PCDHA8: variants seen among roughly 807,000 people sequenced by gnomAD.
PCDHA8 encodes the protein protocadherin alpha-8.
A neutral mutation model predicts 61.8 loss-of-function variants in PCDHA8; 53 were observed. The ratio of observed to expected loss-of-function variants is 0.86; its 90% CI spans 0.69 to 1.08. The LOEUF is 1.08. Among genes scored for constraint, PCDHA8 ranks in the 50% least tolerant of loss-of-function variants. PCDHA8 has a pLI of 0.00. For missense variants in PCDHA8, 1,293 were observed against 1,245.0 expected (o/e 1.04, Z -0.58); for synonymous variants, 618 against 556.6 (o/e 1.11, Z -1.55).
chr5:140,856,754 G>A (rs536378352), intron 1 of PCDHA8: 8 of 1,596,774 alleles, frequency 5.0e-6, no homozygotes, highest in African/African-American at 1.3e-5. Flanking sequence ...AGATGCCAAT[G>A]ATAACGCCCC....
chr5:140,864,887 G>T (rs2048644726), intron 1 of PCDHA8: 1 of 152,148 alleles, frequency 6.6e-6, no homozygotes, highest in African/African-American at 2.4e-5. Flanking sequence ...TGTTCATTAA[G>T]CTGCATGGTC....
At chr5:140,907,720 C>T (rs1554193113) in intron 1 of PCDHA8, among the ~76,000 whole-genome samples, 1 of 152,208 alleles carries the variant, frequency 6.6e-6, no homozygotes, top group Non-Finnish European at 1.5e-5. Context: ...CATGTGTAAC[C>T]TCCATCCCTG....
Position 140,841,710 on chromosome 5 carries a change from C to A in PCDHA8, c.389C>A (p.Pro130Gln), listed in dbSNP as rs2150321322. 2 of 1,613,738 alleles carry A rather than the reference C, an allele frequency of 1.2e-6. No individual in the cohort carries two copies. The highest frequency in any genetic ancestry group is 2.7e-5 in the African/African-American group (2 of 74,852). ...GAGGTGAAGGATGTTAATGACAACC[C>A]GCCAGTGTTCCGGGTAAAAGACCAA... is the stretch of plus-strand genomic sequence containing the variant. ...DVEVKDVNDN[P>Q]PVFRVKDQKL... is the part of the protein sequence containing the mutation. Residue 130 changes from proline to glutamine, a missense_variant, in exon 1 of 4, where the codon CCG becomes CAG. By Grantham distance (76) the Pro-to-Gln change is moderately conservative. Coordinates refer to ENST00000531613, the MANE Select transcript of PCDHA8 (RefSeq NM_018911.3).
At position 140,841,675 on chromosome 5, in the gene PCDHA8, T is replaced by C. The variant is rs2150320492; in HGVS notation, c.354T>C (p.His118=). The C allele has an allele frequency of 5.0e-6, 8 of 1,613,878 alleles. No homozygotes were observed. The highest frequency in any genetic ancestry group is 2.2e-5 in the East Asian group (1 of 44,882). The stretch of plus-strand genomic sequence containing the variant: ...TGGACAGGCCGCTGCAGGTTTTCCA[T>C]GTGGACGTGGAGGTGAAGGATGTTA... ...VIVDRPLQVF[H]VDVEVKDVND... The change falls in exon 1 of 4, where the codon CAT becomes CAC. Residue 118 remains histidine, a synonymous_variant. Transcript: ENST00000531613.
rs148479176 is a variant in PCDHA8, at chr5:140,884,341, G to A, written c.2394+40626G>A. 6.0e-4 allele frequency: 973 copies of A among 1,613,910 alleles called. 19 individuals carry two copies. In the South Asian group the frequency reaches 7.4e-3, roughly 12 times the overall value. On this transcript the variant is annotated intron_variant, in intron 1 of 3. Transcript: ENST00000531613. ...CGGCAGGCGCTGTGGGTCCAGAAGC[G>A]GCGCTGGTGGATGTCAATGTTTACT...
chr5:140,881,259 C>T (rs1285019236), intron 1 of PCDHA8: 6 of 524,478 alleles, frequency 1.1e-5, no homozygotes, highest in Non-Finnish European at 9.8e-6. Flanking sequence ...AGGTTTTACT[C>T]AGTGATGATG....
At chr5:140,857,418 C>T in intron 1 of PCDHA8, 1 of 1,598,514 alleles carries the variant, frequency 6.3e-7, no homozygotes, top group South Asian at 1.1e-5. Context: ...TTCGCGCAGT[C>T]CGAGTACACG....
chr5:140,862,256 A>C (rs2047276539), intron 1 of PCDHA8: 1 of 223,718 alleles, frequency 4.5e-6, no homozygotes, highest in Non-Finnish European at 8.9e-6. Context: ...TTCCAGAGTT[A>C]GCAGTAAGTC....
chr5:141,003,574 A>C (rs559561339), intron 3 of PCDHA8, among the ~76,000 whole-genome samples: 9 of 151,680 alleles, frequency 5.9e-5, no homozygotes, highest in African/African-American at 2.2e-4. Context: ...CAGACTCCCA[A>C]AGTGCTGGGA....
At chr5:140,863,799 G>A (rs1246230954) in intron 1 of PCDHA8, 10 of 212,460 alleles carry the variant, frequency 4.7e-5, no homozygotes, top group Non-Finnish European at 8.6e-5. Context: ...AGGAGTTTGA[G>A]ACCAGCCTGG....
chr5:140,950,556 A>G (rs2094497175), intron 1 of PCDHA8, among the ~76,000 whole-genome samples: 2 of 152,036 alleles, frequency 1.3e-5, no homozygotes, highest in Non-Finnish European at 2.9e-5. Context: ...CTGGGGGGAC[A>G]CTTATTTTAA....
At chr5:140,938,209 G>C (rs1210350140) in intron 1 of PCDHA8, among the ~76,000 whole-genome samples, 1 of 152,160 alleles carries the variant, frequency 6.6e-6, no homozygotes, top group Admixed American at 6.5e-5. Flanking sequence ...GCCTCCCAAA[G>C]TGCTGGGATT....
intron 1 of PCDHA8, chr5:140,870,974 G>A: frequency 1.2e-6 from 2 of 1,613,628 alleles, no homozygotes; most frequent in Middle Eastern, 1.7e-4. Flanking sequence ...TTCCGCGTGG[G>A]GCTGTACACG....
chr5:140,857,241 C>T, intron 1 of PCDHA8: 1 of 1,598,588 alleles, frequency 6.3e-7, no homozygotes, highest in East Asian at 2.2e-5. Context: ...AAGCTGGTGT[C>T]CACCTACAAG....
At chr5:140,882,131 C>A (rs1236835670) in intron 1 of PCDHA8, 2 of 1,475,734 alleles carry the variant, frequency 1.4e-6, no homozygotes, top group South Asian at 1.4e-5. Context: ...TTTCTTCCTG[C>A]AGAAAATATA....
rs545348313 is a variant in PCDHA8, at chr5:140,968,526, C to T, written c.2395-10423C>T. ...ATTCTGTACCCTACCTCAACCAACTCGTCAGCAGCCTTCGAGATGGTGCCT... is the reference window on the plus strand; with the variant it reads ...ATTCTGTACCCTACCTCAACCAACTTGTCAGCAGCCTTCGAGATGGTGCCT... On this transcript the variant is annotated intron_variant, in intron 1 of 3. Transcript: ENST00000531613. 9.9e-6 allele frequency: 16 copies of T among 1,614,200 alleles called. No individual in the cohort carries two copies. The Admixed American group carries it at 1.3e-4, about 13-fold the overall frequency.
chr5:140,948,108 G>A (rs902891466), intron 1 of PCDHA8, among the ~76,000 whole-genome samples: 2 of 151,096 alleles, frequency 1.3e-5, no homozygotes, highest in Non-Finnish European at 3.0e-5. Context: ...ATTTTTCTTC[G>A]TTTTACTAAT....
chr5:140,887,788 G>A (rs1384145646), intron 1 of PCDHA8, among the ~76,000 whole-genome samples: 4 of 152,006 alleles, frequency 2.6e-5, no homozygotes, highest in Admixed American at 6.6e-5. Flanking sequence ...TCATTGAAGC[G>A]TTCTTTATTT....
chr5:140,967,112 C>T (rs1338076103), intron 1 of PCDHA8: 4 of 1,612,876 alleles, frequency 2.5e-6, no homozygotes, highest in East Asian at 2.2e-5. Flanking sequence ...GCAGCGGCCT[C>T]GCTGCCTGCT....
Sources: allele counts gnomAD v4.1 joint callset (sites outside exome capture counted in the v4.1 genomes callset), GRCh38; gene constraint gnomAD v4.1.1; transcripts MANE v1.5; gene names NCBI Gene and HGNC (gene_info 2026-07-23, HGNC 2026-07-21).